The following B9D1 variants were observed in gnomAD, a reference collection of about 807,000 sequenced individuals.
B9D1 encodes the protein B9 domain-containing protein 1.
Under a neutral mutation model 26.1 loss-of-function variants are expected in B9D1, and 20 were observed. The ratio of observed to expected loss-of-function variants is 0.77; its 90% CI spans 0.54 to 1.12. B9D1 has a LOEUF of 1.12. Ranked by LOEUF, B9D1 falls within the 50% of genes most tolerant of loss-of-function variation. The probability of loss-of-function intolerance (pLI) is 0.00; values close to 1 mark genes in which losing one functional copy is unlikely to be tolerated. For missense variants in B9D1, 260 were observed against 273.7 expected, an observed-to-expected ratio of 0.95 and a Z score of 0.35; for synonymous variants, 105 against 103.1, an observed-to-expected ratio of 1.02 and a Z score of -0.11.
At chr17:19,367,773 C>CT (rs1911677722) in intron 1 of B9D1, among the ~76,000 whole-genome samples, 1 of 152,184 alleles carries the variant, frequency 6.6e-6, no homozygotes, top group Admixed American at 6.5e-5. Flanking sequence ...TCTGGGATGT[C>CT]TTTTTTCTGA....
At chr17:19,352,514 A>ATTTTTT (rs34659490) in intron 3 of B9D1, among the ~76,000 whole-genome samples, 12 of 95,130 alleles carry the variant, frequency 1.3e-4, no homozygotes, top group Admixed American at 1.2e-3. Context: ...GGCCTGGCTA[A>ATTTTTT]TTTTTTTTTT....
At chr17:19,354,016 G>T (rs768968901) in intron 3 of B9D1, among the ~76,000 whole-genome samples, 16 of 152,068 alleles carry the variant, frequency 1.1e-4, no homozygotes, top group Non-Finnish European at 2.2e-4. Flanking sequence ...GACTTTAACT[G>T]CCCCCTGCAA....
chr17:19,354,592 G>A (rs1407445357), intron 3 of B9D1, among the ~76,000 whole-genome samples: 1 of 152,192 alleles, frequency 6.6e-6, no homozygotes, highest in Non-Finnish European at 1.5e-5. Context: ...CACTTTGGGA[G>A]GCTGAGGTGG....
At chr17:19,354,540 TTC>T (rs1274756041) in intron 3 of B9D1, among the ~76,000 whole-genome samples, 1 of 152,206 alleles carries the variant, frequency 6.6e-6, no homozygotes, top group East Asian at 1.9e-4. Context: ...TTTCAAGATT[TTC>T]TTTTTGGCTG....
chr17:19,342,249 T>A (rs564286719), downstream of B9D1, among the ~76,000 whole-genome samples: 13 of 151,952 alleles, frequency 8.6e-5, no homozygotes, highest in Non-Finnish European at 1.6e-4. Context: ...TCACAGGAAT[T>A]TTGCTGACAA....
chr17:19,363,093 C>T (rs1911350237), upstream of B9D1: 1 of 174,962 alleles, frequency 5.7e-6, no homozygotes, highest in South Asian at 9.6e-5. Flanking sequence ...GCGACGTGAC[C>T]ACAGCTGTCG....
At chr17:19,346,801 C>G in intron 5 of B9D1, 1 of 846,098 alleles carries the variant, frequency 1.2e-6, no homozygotes, top group Non-Finnish European at 1.6e-6. Context: ...CTCAGCCTGG[C>G]AGGCACTGTT....
Position 19,377,227 on chromosome 17 carries a change from A to AC in B9D1, c.-298+631_-298+632insG, listed in dbSNP as rs1912174943. ...TAAATTGACTTGAGACTTGTCTCAG[A>AC]TACTTGGTTCACATAGGTTTCTTTT... On this transcript the variant is annotated intron_variant, in intron 1 of 5. Coordinates refer to the B9D1 transcript ENST00000477478. Among the ~76,000 whole-genome samples the AC allele has an allele frequency of 2.0e-5, 3 of 152,364 alleles. No homozygotes were observed. In the South Asian group the frequency reaches 6.2e-4, roughly 32 times the overall value.
In B9D1 at chr17:19,362,710, C is replaced by A; in HGVS notation, c.-141G>T. ...CACCTTCGCGAAGGCCACGCGAGTG[C>A]GCGTGTGGCATGCGCAGGCGCAGTG... On this transcript the variant is annotated 5_prime_UTR_variant, in exon 1 of 7. Transcript: ENST00000261499. The A allele has an allele frequency of 6.7e-7, 1 of 1,495,136 alleles. No homozygotes were observed. Among genetic ancestry groups the A allele is most frequent in the Non-Finnish European group, 8.9e-7 (1 of 1,119,568 alleles). 92.6% of individuals were successfully genotyped at this position (1,495,136 alleles called of 1,614,324 possible).
chr17:19,362,754 G>A (rs551520417), upstream of B9D1: 102 of 1,508,308 alleles, frequency 6.8e-5, no homozygotes, highest in African/African-American at 1.3e-3. Flanking sequence ...CCGTTATAAG[G>A]GGGCGGGGCA....
chr17:19,374,643 GTCTA>G (rs1413948734), intron 1 of B9D1, among the ~76,000 whole-genome samples: 2 of 152,116 alleles, frequency 1.3e-5, no homozygotes, highest in African/African-American at 4.8e-5. Flanking sequence ...TCATCTAAAT[GTCTA>G]TCTAGGGGGT....
Position 19,359,159 on chromosome 17 carries a change from A to G in B9D1, c.132+1161T>C, listed in dbSNP as rs910162589. On this transcript the variant is annotated intron_variant, in intron 2 of 6. Transcript: ENST00000261499. This position sits in a 1 kb window ranked among gnomAD's most constrained non-coding sequence, Gnocchi z 5.0. ...TGCCTGCTCTTGCCCTTTCCCCCCG[A>G]GTCTATCCTTGTCGTAGAAGCCAGG... Among the ~76,000 whole-genome samples the G allele has an allele frequency of 2.6e-5, 4 of 152,022 alleles. No individual in the cohort carries two copies. Among genetic ancestry groups the G allele is most frequent in the African/African-American group, 9.7e-5 (4 of 41,372 alleles).
intron 3 of B9D1, among the ~76,000 whole-genome samples, chr17:19,351,644 C>T (rs747640149): frequency 6.6e-6 from 1 of 152,128 alleles, no homozygotes; most frequent in Non-Finnish European, 1.5e-5. Context: ...TGAAGACACT[C>T]GGACTTGGAA....
intron 3 of B9D1, among the ~76,000 whole-genome samples, chr17:19,355,528 T>TAAAAA (rs368938633): frequency 7.2e-6 from 1 of 138,062 alleles, no homozygotes; most frequent in African/African-American, 2.7e-5. Flanking sequence ...TGTCTGCAAT[T>TAAAAA]AAAAAAAAAA....
upstream of B9D1, chr17:19,362,795 C>T (rs1911318032): frequency 2.2e-6 from 3 of 1,365,232 alleles, no homozygotes; most frequent in African/African-American, 1.4e-5. Flanking sequence ...CGAGGCTCCA[C>T]CCCTCCTTAG....
chr17:19,345,886 G>A (rs989812758), intron 5 of B9D1, among the ~76,000 whole-genome samples: 3 of 152,184 alleles, frequency 2.0e-5, no homozygotes, highest in Non-Finnish European at 4.4e-5. Context: ...CTCCATATCT[G>A]GGAAGATTCT....
At chr17:19,349,125 G>A (rs1909254718) in intron 3 of B9D1, among the ~76,000 whole-genome samples, 1 of 152,118 alleles carries the variant, frequency 6.6e-6, no homozygotes, top group Middle Eastern at 3.2e-3. Context: ...CCCCAGCAGT[G>A]GTATCTGATT....
chr17:19,372,110 C>T lies in B9D1; in HGVS notation c.-298+5749G>A, dbSNP rs958718229. ...TCAGAGAAAGATGAAGGTAGAAACG[C>T]TTACACACTGAAGATGCTGCTGGAA... On this transcript the variant is annotated intron_variant, in intron 1 of 5. Coordinates refer to the B9D1 transcript ENST00000477478. The surrounding 1 kb of genome is among the most constrained non-coding windows in gnomAD (Gnocchi z 4.4). 6 of 152,326 alleles carry T rather than the reference C, an allele frequency of 3.9e-5. No homozygotes were observed. The highest frequency in any genetic ancestry group is 1.4e-4 in the African/African-American group (6 of 41,458). 9.4% of individuals were successfully genotyped at this position (152,326 alleles called of 1,614,324 possible).
At chr17:19,344,831 G>C (rs1434976839) in intron 5 of B9D1, among the ~76,000 whole-genome samples, 1 of 152,248 alleles carries the variant, frequency 6.6e-6, no homozygotes, top group Non-Finnish European at 1.5e-5. Flanking sequence ...CAGCCAGGGA[G>C]CACTGCCCAC....
Sources: gnomAD v4.1 joint callset for allele counts (sites outside exome capture counted in the v4.1 genomes callset) on GRCh38, gnomAD v4.1.1 for gene constraint, Gnocchi (gnomAD v3.1) non-coding constraint, MANE v1.5 for transcripts, NCBI Gene and HGNC (gene_info 2026-07-23, HGNC 2026-07-21) for gene names.